LYZL4: variants seen among roughly 807,000 people sequenced by gnomAD.
The protein encoded by LYZL4 is lysozyme like 4, also known as lysozyme-like protein 4.
A neutral mutation model predicts 17.6 loss-of-function variants in LYZL4; 13 were observed. The ratio of observed to expected loss-of-function variants is 0.74; its 90% CI spans 0.48 to 1.18. The LOEUF is 1.18. Ranked by LOEUF, LYZL4 falls within the 50% of genes most tolerant of loss-of-function variation. LYZL4 has a pLI of 0.00. For missense variants in LYZL4, 174 were observed against 188.2 expected (o/e 0.92, Z 0.44); for synonymous variants, 64 against 67.7 (o/e 0.95, Z 0.27).
At chr3:42,366,519 C>A in the LYZL4 span, among the ~76,000 whole-genome samples, 5 of 152,240 alleles carry the variant, frequency 3.3e-5, no homozygotes, top group Non-Finnish European at 5.9e-5. Flanking sequence ...GATCCTGCTT[C>A]CCCTTTCTCT....
chr3:42,380,022 G>A, the LYZL4 span, among the ~76,000 whole-genome samples: 13 of 152,312 alleles, frequency 8.5e-5, no homozygotes, highest in Middle Eastern at 3.4e-3. Context: ...CAATTGATGG[G>A]CAACTGCAGA....
chr3:42,397,275 C>A lies in LYZL4; in HGVS notation c.431G>T (p.Cys144Phe), dbSNP rs753373864. Residue 144 changes from cysteine to phenylalanine, a missense_variant, in exon 5 of 5, where the codon TGC (cysteine) becomes TTC (phenylalanine). By Grantham distance (205) the Cys-to-Phe change is radical. Coordinates refer to ENST00000287748, the MANE Select transcript of LYZL4 (RefSeq NM_144634.4). The part of the protein sequence containing the change: ...SDTLARWLDG[C>F]KL Reference sequence around the variant, plus strand: ...GGGCCATGCAGGTGGCTACAGCTTGCAACCATCCAGCCACCGTGCCAGGGT... The same window carrying A: ...GGGCCATGCAGGTGGCTACAGCTTGAAACCATCCAGCCACCGTGCCAGGGT... 2.6e-6 allele frequency: 4 copies of A among 1,565,914 alleles called. No individual in the cohort carries two copies. The highest frequency in any genetic ancestry group is 3.5e-6 in the Non-Finnish European group (4 of 1,154,852).
the LYZL4 span, among the ~76,000 whole-genome samples, chr3:42,368,621 A>T: frequency 6.6e-6 from 1 of 152,146 alleles, no homozygotes; most frequent in Non-Finnish European, 1.5e-5. Context: ...TTCTATCAAT[A>T]ATGCTATGAG....
At chr3:42,394,368 T>C (rs1295534424), downstream of LYZL4, among the ~76,000 whole-genome samples, 1 of 152,184 alleles carries the variant, frequency 6.6e-6, no homozygotes, top group Non-Finnish European at 1.5e-5. Context: ...TGTGTGGGGA[T>C]ATAGGTTTTG....
At chr3:42,371,504 G>A in the LYZL4 span, among the ~76,000 whole-genome samples, 1 of 152,174 alleles carries the variant, frequency 6.6e-6, no homozygotes, top group Non-Finnish European at 1.5e-5. Flanking sequence ...GGCCAATCAC[G>A]TGGTTCTTTT....
At chr3:42,393,410 TAA>T (rs1424061729), downstream of LYZL4, among the ~76,000 whole-genome samples, 1 of 151,940 alleles carries the variant, frequency 6.6e-6, no homozygotes, top group East Asian at 1.9e-4. Flanking sequence ...TTTTTACTCA[TAA>T]AGTCAGCATG....
At chr3:42,408,078 C>T (rs1325707014) in intron 1 of LYZL4, among the ~76,000 whole-genome samples, 1 of 152,178 alleles carries the variant, frequency 6.6e-6, no homozygotes, top group Non-Finnish European at 1.5e-5. Context: ...AACCCACCAC[C>T]TCCTCACAGC....
chr3:42,372,311 T>C, the LYZL4 span, among the ~76,000 whole-genome samples: 1 of 152,240 alleles, frequency 6.6e-6, no homozygotes, highest in African/African-American at 2.4e-5. Flanking sequence ...GAGTGATCAC[T>C]GCACCTGCCT....
the LYZL4 span, among the ~76,000 whole-genome samples, chr3:42,382,902 C>T: frequency 3.3e-5 from 5 of 152,028 alleles, no homozygotes; most frequent in East Asian, 1.9e-4. Context: ...CAGACACAGC[C>T]GGAGTTGCCC....
At chr3:42,371,612 ATAT>A in the LYZL4 span, among the ~76,000 whole-genome samples, 2 of 152,214 alleles carry the variant, frequency 1.3e-5, no homozygotes, top group Non-Finnish European at 2.9e-5. Context: ...CACAGACCAA[ATAT>A]TATTGAGAAA....
the LYZL4 span, among the ~76,000 whole-genome samples, chr3:42,380,081 C>A: frequency 1.3e-5 from 2 of 152,338 alleles, no homozygotes; most frequent in East Asian, 3.9e-4. Context: ...GACACCACCT[C>A]TTGGACTTTC....
At chr3:42,387,992 A>G in the LYZL4 span, among the ~76,000 whole-genome samples, 2 of 152,134 alleles carry the variant, frequency 1.3e-5, no homozygotes, top group Non-Finnish European at 1.5e-5. Context: ...AAACACTGCA[A>G]CCACAAGGTC....
chr3:42,386,042 A>G, the LYZL4 span, among the ~76,000 whole-genome samples: 1 of 151,976 alleles, frequency 6.6e-6, no homozygotes, highest in Non-Finnish European at 1.5e-5. Flanking sequence ...AAGAGGCTGC[A>G]CCGTTCTGAT....
At chr3:42,386,395 G>GCCCCCCCCCC in the LYZL4 span, among the ~76,000 whole-genome samples, 29 of 107,514 alleles carry the variant, frequency 2.7e-4, 1 homozygote, top group Non-Finnish European at 4.0e-4. Context: ...GAGCCACCAC[G>GCCCCCCCCCC]CCCCCCCCCC....
Position 42,407,264 on chromosome 3 carries a change from C to A in LYZL4, c.-13G>T, listed in dbSNP as rs764932765. 1.9e-6 allele frequency: 3 copies of A among 1,613,890 alleles called. No homozygotes were observed. Among genetic ancestry groups the A allele is most frequent in the Admixed American group, 1.7e-5 (1 of 59,996 alleles). The stretch of plus-strand genomic sequence containing the variant: ...CGGATGCCTTCATCTTCTCCAGGCT[C>A]CTGGCAGGTCAGGGCAACGGTGGCC... On this transcript the variant is annotated 5_prime_UTR_variant, in exon 2 of 5. The change creates a premature stop within an existing upstream ORF in the 5' untranslated region. Transcript: ENST00000287748.
At chr3:42,396,764 T>C (rs1698555573), downstream of LYZL4, among the ~76,000 whole-genome samples, 1 of 152,258 alleles carries the variant, frequency 6.6e-6, no homozygotes, top group Non-Finnish European at 1.5e-5. Flanking sequence ...AATGAGCAAC[T>C]GTCATTTGAT....
At chr3:42,403,804 T>A (rs1291750363) in intron 4 of LYZL4, among the ~76,000 whole-genome samples, 1 of 152,218 alleles carries the variant, frequency 6.6e-6, no homozygotes, top group East Asian at 1.9e-4. Flanking sequence ...TCATCCTAGC[T>A]TTCTATATAA....
chr3:42,364,856 G>A, the LYZL4 span, among the ~76,000 whole-genome samples: 1 of 152,128 alleles, frequency 6.6e-6, no homozygotes, highest in East Asian at 1.9e-4. Flanking sequence ...GTCTTAGTAG[G>A]TAATAAGCTG....
the LYZL4 span, among the ~76,000 whole-genome samples, chr3:42,364,341 CTT>C: frequency 2.5e-5 from 3 of 119,840 alleles, no homozygotes; most frequent in Non-Finnish European, 5.0e-5. Context: ...TTTTTCTTTT[CTT>C]TTTTTTTTTT....
Sources: allele counts gnomAD v4.1 joint callset (sites outside exome capture counted in the v4.1 genomes callset), GRCh38; gene constraint gnomAD v4.1.1; transcripts MANE v1.5; gene names NCBI Gene and HGNC (gene_info 2026-07-23, HGNC 2026-07-21).